PCDHA1: variants seen among roughly 807,000 people sequenced by gnomAD.
The protein encoded by PCDHA1 is protocadherin alpha-1.
A neutral mutation model predicts 61.3 loss-of-function variants in PCDHA1; 42 were observed. The observed-to-expected ratio is 0.69, with a 90% CI of 0.54 to 0.89. The LOEUF (loss-of-function observed/expected upper bound fraction) is 0.89, where lower values mean the gene tolerates loss of function less well. Among genes scored for constraint, PCDHA1 ranks in the 40% least tolerant of loss-of-function variants. The probability of loss-of-function intolerance (pLI) is 0.00; values close to 1 mark genes in which losing one functional copy is unlikely to be tolerated. For missense variants in PCDHA1, 1,256 were observed against 1,235.3 expected (o/e 1.02, Z -0.25); for synonymous variants, 610 against 553.8 (o/e 1.10, Z -1.43).
intron 1 of PCDHA1, chr5:140,877,765 C>T (rs377126743): frequency 4.3e-6 from 7 of 1,614,176 alleles, no homozygotes; most frequent in Non-Finnish European, 5.1e-6. Context: ...AGAGAGCCCG[C>T]CCAAGACGGA....
intron 1 of PCDHA1, among the ~76,000 whole-genome samples, chr5:140,892,823 C>T (rs1554185387): frequency 6.6e-6 from 1 of 152,120 alleles, no homozygotes; most frequent in East Asian, 1.9e-4. Context: ...TCCTACAGTG[C>T]TACAGTGCTG....
At chr5:140,864,373 TAA>T (rs1207632407) in intron 1 of PCDHA1, 1 of 152,248 alleles carries the variant, frequency 6.6e-6, no homozygotes, top group Non-Finnish European at 1.5e-5. Context: ...CTATAATCGA[TAA>T]GTTTATCTCT....
chr5:140,787,990 C>T lies in PCDHA1; in HGVS notation c.1700C>T (p.Ala567Val), dbSNP rs368549830. 1.5e-4 allele frequency: 245 copies of T among 1,613,986 alleles called. 1 individual carries two copies. Among genetic ancestry groups the T allele is most frequent in the Non-Finnish European group, 1.9e-4 (221 of 1,179,900 alleles). ...AACGACAACGCGCCGGCGCTGCTGG[C>T]GCCTCGAGTGGGTGGCACTATTGGT... ...DENDNAPALL[A>V]PRVGGTIGAV... Residue 567 changes from alanine (A) to valine (V), a missense_variant, in exon 1 of 4, where the codon GCG becomes GTG. Physicochemically the swap from Ala to Val is moderately conservative, Grantham distance 64. Transcript: ENST00000504120.
Position 140,837,010 on chromosome 5 carries a change from C to T in PCDHA1, c.2394+48326C>T, listed in dbSNP as rs1188218220. On this transcript the variant is annotated intron_variant, in intron 1 of 3. Coordinates refer to ENST00000504120, the MANE Select transcript of PCDHA1 (RefSeq NM_018900.4). Reference sequence around the variant, plus strand: ...ACTTTGCTAACTGGAGCAATGGATTCACCTTTCTTCTATAGTGTATTTACA... The same window carrying T: ...ACTTTGCTAACTGGAGCAATGGATTTACCTTTCTTCTATAGTGTATTTACA... 4 of 308,042 alleles carry T rather than the reference C, an allele frequency of 1.3e-5. 1 individual carries two copies. Among genetic ancestry groups the T allele is most frequent in the African/African-American group, 8.8e-5 (4 of 45,630 alleles). 19.1% of individuals were successfully genotyped at this position (308,042 alleles called of 1,614,324 possible).
At chr5:140,801,042 GAAAT>G in intron 1 of PCDHA1, 1 of 1,433,662 alleles carries the variant, frequency 7.0e-7, no homozygotes, top group Non-Finnish European at 9.1e-7. Context: ...CTCCACAAAA[GAAAT>G]AACAGCGTGC....
intron 1 of PCDHA1, chr5:140,828,247 G>A: frequency 5.0e-6 from 8 of 1,613,980 alleles, no homozygotes; most frequent in Non-Finnish European, 6.8e-6. Flanking sequence ...CGCAGGACCT[G>A]GGGCTGGAGC....
chr5:140,997,971 G>A (rs2097791982), intron 3 of PCDHA1, among the ~76,000 whole-genome samples: 3 of 152,086 alleles, frequency 2.0e-5, no homozygotes, highest in Admixed American at 2.0e-4. Context: ...CCTGTGGTTG[G>A]ACTGCACTTG....
chr5:140,807,387 C>A (rs782494406), intron 1 of PCDHA1: 5 of 1,488,998 alleles, frequency 3.4e-6, no homozygotes, highest in African/African-American at 1.5e-5. Context: ...TTCCGGGTGG[C>A]GTCCAAGGGC....
At chr5:140,870,502 A>G (rs781840750) in intron 1 of PCDHA1, 15 of 1,614,222 alleles carry the variant, frequency 9.3e-6, no homozygotes, top group Non-Finnish European at 1.2e-5. Context: ...GAAGGAGAAC[A>G]ACCCACCAGG....
At chr5:140,812,522 T>G (rs2126639627) in intron 1 of PCDHA1, 1 of 152,318 alleles carries the variant, frequency 6.6e-6, no homozygotes, top group South Asian at 2.1e-4. Flanking sequence ...TTGGGCTTCC[T>G]CATTTGTCCT....
chr5:140,883,504 C>A, intron 1 of PCDHA1: 1 of 1,614,172 alleles, frequency 6.2e-7, no homozygotes, highest in Non-Finnish European at 8.5e-7. Context: ...TGGACAGCGC[C>A]CTGGACCGCG....
intron 1 of PCDHA1, chr5:140,802,288 C>T: frequency 6.2e-7 from 1 of 1,614,226 alleles, no homozygotes; most frequent in African/African-American, 1.3e-5. Flanking sequence ...GAAGACTCTC[C>T]ACTTAGCACA....
chr5:140,926,659 C>T, intron 1 of PCDHA1: 1 of 531,904 alleles, frequency 1.9e-6, no homozygotes, highest in Non-Finnish European at 3.0e-6. Context: ...CTCCGCTTTC[C>T]CAGACGGCTG....
intron 1 of PCDHA1, among the ~76,000 whole-genome samples, chr5:140,950,908 T>G (rs1259421351): frequency 6.6e-6 from 1 of 152,072 alleles, no homozygotes; most frequent in Non-Finnish European, 1.5e-5. Flanking sequence ...TTTATTTTTA[T>G]TTTATTTCAG....
chr5:140,794,975 C>T (rs374405792), intron 1 of PCDHA1: 8 of 1,608,532 alleles, frequency 5.0e-6, no homozygotes, highest in Non-Finnish European at 5.9e-6. Flanking sequence ...ATGGCGTCTT[C>T]TATCAGAAGG....
At position 140,807,863 on chromosome 5, in the gene PCDHA1, G is replaced by T. The variant is rs529221273; in HGVS notation, c.2394+19179G>T. The T allele has an allele frequency of 6.2e-6, 10 of 1,614,064 alleles. No homozygotes were observed. In the South Asian group the frequency reaches 8.8e-5, roughly 14 times the overall value. On this transcript the variant is annotated intron_variant, in intron 1 of 3. Coordinates refer to ENST00000504120, the MANE Select transcript of PCDHA1 (RefSeq NM_018900.4). Reference sequence around the variant, plus strand: ...AGGCAAACCCGAGTTGACTGGCACCGTTCAGTTACTCATCACAGTACTGGA... The same window carrying T: ...AGGCAAACCCGAGTTGACTGGCACCTTTCAGTTACTCATCACAGTACTGGA...
intron 1 of PCDHA1, chr5:140,867,891 G>C (rs1468636250): frequency 1.3e-5 from 2 of 152,016 alleles, no homozygotes; most frequent in African/African-American, 4.8e-5. Flanking sequence ...CACAATATCA[G>C]GTACTTACAG....
intron 1 of PCDHA1, chr5:140,865,597 G>A (rs1391602074): frequency 6.6e-6 from 1 of 152,154 alleles, no homozygotes; most frequent in Non-Finnish European, 1.5e-5. Context: ...CATTGTTTGA[G>A]CAGTTTATTA....
intron 1 of PCDHA1, chr5:140,810,358 G>A (rs190752805): frequency 6.6e-6 from 1 of 152,312 alleles, no homozygotes; most frequent in African/African-American, 2.4e-5. Context: ...TAAGAGTTGT[G>A]TTTGTGGGTC....
Sources: gnomAD v4.1 joint callset for allele counts (sites outside exome capture counted in the v4.1 genomes callset) on GRCh38, gnomAD v4.1.1 for gene constraint, MANE v1.5 for transcripts, NCBI Gene and HGNC (gene_info 2026-07-23, HGNC 2026-07-21) for gene names.